Variants in DPH6 observed in about 807,000 individuals in gnomAD.
The protein encoded by DPH6 is diphthine--ammonia ligase.
In DPH6, 33 loss-of-function variants were observed where a neutral mutation model predicts 38.2. The observed-to-expected ratio is 0.86, with a 90% CI of 0.65 to 1.15. The LOEUF (loss-of-function observed/expected upper bound fraction) is 1.15, where lower values mean the gene tolerates loss of function less well. Among genes scored for constraint, DPH6 ranks in the 50% most tolerant of loss-of-function variants. The pLI, the probability that DPH6 is intolerant of heterozygous loss-of-function variation, is 0.00. For missense variants in DPH6, 325 were observed against 320.0 expected, an observed-to-expected ratio of 1.02 and a Z score of -0.12; for synonymous variants, 108 against 103.0, an observed-to-expected ratio of 1.05 and a Z score of -0.30.
the DPH6 span, among the ~76,000 whole-genome samples, chr15:35,160,561 C>T: frequency 2.6e-5 from 4 of 151,798 alleles, no homozygotes; most frequent in Non-Finnish European, 4.4e-5. Context: ...GACAAAATCG[C>T]TACCTATAGT....
At chr15:35,301,882 G>T (rs2052056769) in intron 3 of DPH6, among the ~76,000 whole-genome samples, 1 of 152,140 alleles carries the variant, frequency 6.6e-6, no homozygotes, top group African/African-American at 2.4e-5. Flanking sequence ...GCTGAGGCAG[G>T]ATAACTGCTT....
intron 5 of DPH6, among the ~76,000 whole-genome samples, chr15:35,431,075 G>A (rs984305453): frequency 3.3e-5 from 5 of 151,974 alleles, no homozygotes; most frequent in Non-Finnish European, 7.4e-5. Flanking sequence ...TTTAAAGGTG[G>A]AGAAAAGAAA....
chr15:35,536,442 C>T (rs1279747475), intron 3 of DPH6, among the ~76,000 whole-genome samples: 3 of 151,958 alleles, frequency 2.0e-5, no homozygotes, highest in African/African-American at 7.2e-5. Flanking sequence ...AAGAATTTAA[C>T]ATTAGCATTA....
chr15:35,372,025 G>T lies in DPH6; in HGVS notation c.*125C>A. On this transcript the variant is annotated 3_prime_UTR_variant, in exon 9 of 9. Transcript: ENST00000256538. ...GTTCCACTAACCTCTTCTAGTGAAA[G>T]TATGTTTCTCTAAAAAAATAAGAGT... is the stretch of plus-strand genomic sequence containing the variant. The T allele has an allele frequency of 7.1e-7, 1 of 1,414,914 alleles. No homozygotes were observed. The highest frequency in any genetic ancestry group is 1.7e-5 in the South Asian group (1 of 60,584). The allele number at this position is 1,414,914 out of a possible 1,614,324, so 87.6% of individuals were successfully genotyped here.
chr15:35,345,637 A>G (rs1381747568), intron 3 of DPH6, among the ~76,000 whole-genome samples: 2 of 151,886 alleles, frequency 1.3e-5, no homozygotes, highest in South Asian at 4.1e-4. Flanking sequence ...CTACTCGATA[A>G]TTTTTTAAGA....
chr15:35,171,544 T>C, the DPH6 span, among the ~76,000 whole-genome samples: 1 of 152,224 alleles, frequency 6.6e-6, no homozygotes, highest in Non-Finnish European at 1.5e-5. Flanking sequence ...CTAGGGGTTA[T>C]AGATGTTTGC....
downstream of DPH6, among the ~76,000 whole-genome samples, chr15:35,214,150 T>C (rs1020874460): frequency 2.6e-5 from 4 of 151,514 alleles, no homozygotes; most frequent in Non-Finnish European, 5.9e-5. Context: ...AGAGAGGCTA[T>C]GTCTTCTAAT....
At chr15:35,526,173 C>A (rs187104448) in intron 3 of DPH6, among the ~76,000 whole-genome samples, 15 of 152,268 alleles carry the variant, frequency 9.9e-5, no homozygotes, top group Admixed American at 9.2e-4. Context: ...ATTGTTCTCC[C>A]TCCCTTCCCA....
chr15:35,493,306 A>G (rs2054507737), intron 3 of DPH6, among the ~76,000 whole-genome samples: 1 of 152,202 alleles, frequency 6.6e-6, no homozygotes, highest in African/African-American at 2.4e-5. Flanking sequence ...TACTTCACAA[A>G]TCTATTATAA....
At chr15:35,442,778 T>C (rs1018187932) in intron 5 of DPH6, among the ~76,000 whole-genome samples, 2 of 152,166 alleles carry the variant, frequency 1.3e-5, no homozygotes, top group Non-Finnish European at 2.9e-5. Context: ...TGACCACATA[T>C]TGTAGGATTC....
the DPH6 span, among the ~76,000 whole-genome samples, chr15:35,194,895 C>A: frequency 3.3e-5 from 5 of 152,082 alleles, no homozygotes; most frequent in Admixed American, 3.3e-4. Context: ...ATATAAATTA[C>A]CTTAAATATT....
At chr15:35,181,314 C>T in the DPH6 span, among the ~76,000 whole-genome samples, 1 of 151,782 alleles carries the variant, frequency 6.6e-6, no homozygotes, top group African/African-American at 2.4e-5. Flanking sequence ...TCCTTTGCCT[C>T]CCTCTGGAAG....
intron 6 of DPH6, among the ~76,000 whole-genome samples, chr15:35,387,011 T>C (rs1200785004): frequency 6.6e-6 from 1 of 152,230 alleles, no homozygotes; most frequent in Non-Finnish European, 1.5e-5. Flanking sequence ...CTTGAATTAA[T>C]TTTTGTATAA....
intron 3 of DPH6, among the ~76,000 whole-genome samples, chr15:35,222,346 C>A (rs1420049452): frequency 4.6e-5 from 7 of 152,174 alleles, no homozygotes; most frequent in Non-Finnish European, 1.0e-4. Context: ...AGGTTTCAAT[C>A]AATTTAGAAC....
intron 3 of DPH6, among the ~76,000 whole-genome samples, chr15:35,473,035 A>C (rs899970977): frequency 3.9e-5 from 6 of 152,274 alleles, no homozygotes; most frequent in African/African-American, 1.2e-4. Flanking sequence ...CTTAGGAATA[A>C]ATCTGGAAAG....
intron 6 of DPH6, among the ~76,000 whole-genome samples, chr15:35,385,234 G>C (rs182124749): frequency 6.6e-6 from 1 of 152,254 alleles, no homozygotes; most frequent in East Asian, 1.9e-4. Context: ...TCTAGAATTA[G>C]AAATACCATT....
chr15:35,502,119 A>G (rs575952031), intron 3 of DPH6, among the ~76,000 whole-genome samples: 181 of 152,194 alleles, frequency 1.2e-3, no homozygotes, highest in African/African-American at 4.2e-3. Flanking sequence ...TTGATCCTTA[A>G]TTTTTACTGC....
At chr15:35,280,284 A>G (rs926713840) in intron 3 of DPH6, among the ~76,000 whole-genome samples, 2 of 152,232 alleles carry the variant, frequency 1.3e-5, no homozygotes, top group African/African-American at 4.8e-5. Flanking sequence ...CAGCATCACA[A>G]TAATACATTT....
At chr15:35,341,444 T>C (rs2140878239) in intron 3 of DPH6, among the ~76,000 whole-genome samples, 1 of 152,308 alleles carries the variant, frequency 6.6e-6, no homozygotes, top group Middle Eastern at 3.4e-3. Context: ...GGAGAAGAGG[T>C]CCTCTGGCAT....
Sources: gnomAD v4.1 joint callset for allele counts (sites outside exome capture counted in the v4.1 genomes callset) on GRCh38, gnomAD v4.1.1 for gene constraint, MANE v1.5 for transcripts, NCBI Gene and HGNC (gene_info 2026-07-23, HGNC 2026-07-21) for gene names.